The following BAIAP2 variants were observed in gnomAD, a reference collection of about 807,000 sequenced individuals.
BAIAP2 encodes the protein BAR/IMD domain-containing adapter protein 2.
In BAIAP2, 18 loss-of-function variants were observed where a neutral mutation model predicts 63.0. The ratio of observed to expected loss-of-function variants is 0.29; its 90% CI spans 0.20 to 0.42. The LOEUF (loss-of-function observed/expected upper bound fraction) is 0.42. Ranked by LOEUF, BAIAP2 falls within the 10% of genes least tolerant of loss-of-function variation. The probability of loss-of-function intolerance (pLI) is 1.00; values close to 1 mark genes in which losing one functional copy is unlikely to be tolerated. For missense variants in BAIAP2, 610 were observed against 734.3 expected (o/e 0.83, Z 1.96); for synonymous variants, 386 against 307.6 (o/e 1.25, Z -2.67).
rs1325716613 is a variant in BAIAP2, at chr17:81,109,448, C to T, written c.1535+939C>T. 1.4e-5 allele frequency: 14 copies of T among 989,442 alleles called. 1 individual carries two copies. The East Asian group carries it at 3.3e-4, about 23-fold the overall frequency. 61.3% of individuals were successfully genotyped at this position (989,442 alleles called of 1,614,324 possible). The stretch of plus-strand genomic sequence containing the variant: ...TTTTTTTTTCCTGAAAAACAAAAAC[C>T]GATCTGCATGGACTCCGGTGTGCGC... On this transcript the variant is annotated intron_variant, in intron 13 of 13. Transcript: ENST00000428708.
At chr17:81,114,516 G>T (rs950815802) in intron 13 of BAIAP2, among the ~76,000 whole-genome samples, 1 of 152,336 alleles carries the variant, frequency 6.6e-6, no homozygotes, top group African/African-American at 2.4e-5. Flanking sequence ...AGACCCTGAG[G>T]CTCCAGCACG....
chr17:81,107,009 G>T (rs2059264725), intron 12 of BAIAP2, 102 bp downstream of exon 12: 7 of 1,356,912 alleles, frequency 5.2e-6, no homozygotes, highest in Non-Finnish European at 4.9e-6. Context: ...GGGCGCCTGG[G>T]GGTCTGGGTC....
intron 13 of BAIAP2, among the ~76,000 whole-genome samples, chr17:81,114,004 A>C (rs1598869180): frequency 8.1e-6 from 1 of 123,046 alleles, no homozygotes; most frequent in African/African-American, 3.2e-5. Flanking sequence ...TTACTCTGTC[A>C]CCCAGGCTGG....
chr17:81,069,039 G>A (rs1391549037), intron 3 of BAIAP2, among the ~76,000 whole-genome samples: 1 of 152,168 alleles, frequency 6.6e-6, no homozygotes, highest in Admixed American at 6.5e-5. Context: ...GGGTGATCCC[G>A]GTGGCAGGGG....
chr17:81,112,061 CTGGA>C (rs1568200135), intron 13 of BAIAP2, among the ~76,000 whole-genome samples: 1 of 152,264 alleles, frequency 6.6e-6, no homozygotes, highest in Non-Finnish European at 1.5e-5. Flanking sequence ...ACTTTGGGGA[CTGGA>C]TGGAGATGCT....
chr17:81,096,082 G>C (rs990967659), intron 6 of BAIAP2, among the ~76,000 whole-genome samples: 7 of 152,156 alleles, frequency 4.6e-5, no homozygotes, highest in African/African-American at 1.4e-4. Context: ...AGTTTACACT[G>C]CTGTCCTGGG....
chr17:81,115,990 C>G lies in BAIAP2; in HGVS notation c.*151C>G. The G allele has an allele frequency of 6.7e-6, 10 of 1,486,106 alleles. No individual in the cohort carries two copies. Among genetic ancestry groups the G allele is most frequent in the Non-Finnish European group, 8.9e-6 (10 of 1,118,884 alleles). 92.1% of individuals were successfully genotyped at this position (1,486,106 alleles called of 1,614,324 possible). ...CTTGAGTCTGGCCTGGACTGGATCC[C>G]AGCTGTTCTAGGCAGGGCCGGGCAG... is the stretch of plus-strand genomic sequence containing the variant. On this transcript the variant is annotated 3_prime_UTR_variant, in exon 14 of 14. Coordinates refer to ENST00000428708, the MANE Select transcript of BAIAP2 (RefSeq NM_001144888.2).
At chr17:81,114,090 A>G (rs1422454938) in intron 13 of BAIAP2, among the ~76,000 whole-genome samples, 1 of 140,892 alleles carries the variant, frequency 7.1e-6, no homozygotes, top group Admixed American at 7.2e-5. Flanking sequence ...TCAGCCCCCC[A>G]TGGAGCTGGG....
At chr17:81,109,217 C>G in intron 13 of BAIAP2, 1 of 1,392,804 alleles carries the variant, frequency 7.2e-7, no homozygotes, top group Non-Finnish European at 9.3e-7. Context: ...GCGCCCCATC[C>G]TGTGTGTCCC....
At chr17:81,069,774 A>G (rs1416071314) in intron 3 of BAIAP2, among the ~76,000 whole-genome samples, 7 of 151,740 alleles carry the variant, frequency 4.6e-5, no homozygotes. Context: ...TTCGCCTCCC[A>G]GCCTTCCTCG....
At chr17:81,097,537 G>A (rs1274581149) in intron 6 of BAIAP2, 4 of 152,294 alleles carry the variant, frequency 2.6e-5, no homozygotes, top group African/African-American at 4.8e-5. Flanking sequence ...GGGCGGCCGC[G>A]AGGCTGAGTC....
chr17:81,074,764 G>A (rs1476355690), intron 3 of BAIAP2, among the ~76,000 whole-genome samples: 1 of 152,180 alleles, frequency 6.6e-6, no homozygotes, highest in Non-Finnish European at 1.5e-5. Flanking sequence ...GTGTGTGCAC[G>A]GATGCATAAG....
intron 6 of BAIAP2, among the ~76,000 whole-genome samples, chr17:81,095,640 C>T (rs1433874286): frequency 6.6e-6 from 1 of 152,058 alleles, no homozygotes; most frequent in African/African-American, 2.4e-5. Context: ...GTCAGCTCCC[C>T]CCGTCCTTCG....
chr17:81,106,069 C>T lies in BAIAP2; in HGVS notation c.1269-9C>T. 6.4e-7 allele frequency: 1 copy of T among 1,570,620 alleles called. No homozygotes were observed. Among genetic ancestry groups the T allele is most frequent in the East Asian group, 2.3e-5 (1 of 42,966 alleles). ...TGAGCGTGGCTCTTACCTGGGGCCT[C>T]TCTTCCAGGCGGGGCTGGTTTCCCT... On this transcript the variant is annotated splice_polypyrimidine_tract_variant and intron_variant, in intron 10 of 13. Transcript: ENST00000428708.
chr17:81,084,972 C>G, intron 4 of BAIAP2, 79 bp downstream of exon 4: 4 of 1,441,658 alleles, frequency 2.8e-6, no homozygotes, highest in Non-Finnish European at 3.9e-6. Context: ...GGCCGTGTGT[C>G]CACTTGGGAA....
At chr17:81,035,535 C>T (rs1323192585) in intron 1 of BAIAP2, among the ~76,000 whole-genome samples, 3 of 149,428 alleles carry the variant, frequency 2.0e-5, no homozygotes, top group East Asian at 2.0e-4. Flanking sequence ...CCCCCCATCC[C>T]ATGCGCGCCG....
At chr17:81,099,503 CA>C (rs1568167633) in intron 6 of BAIAP2, among the ~76,000 whole-genome samples, 2 of 152,162 alleles carry the variant, frequency 1.3e-5, no homozygotes, top group Non-Finnish European at 2.9e-5. Flanking sequence ...CTCCAGGCAA[CA>C]GGGGGAAGGA....
chr17:81,064,667 C>T (rs1354160952), intron 3 of BAIAP2, among the ~76,000 whole-genome samples: 3 of 152,172 alleles, frequency 2.0e-5, no homozygotes, highest in Admixed American at 2.0e-4. Context: ...TGAGGAGTGG[C>T]TGGGTCAGAG....
In BAIAP2 at chr17:81,106,068, T is replaced by A; in HGVS notation, c.1269-10T>A. 1 of 1,570,134 alleles carries A rather than the reference T, an allele frequency of 6.4e-7. No homozygotes were observed. Among genetic ancestry groups the A allele is most frequent in the Non-Finnish European group, 8.6e-7 (1 of 1,157,424 alleles). On this transcript the variant is annotated splice_polypyrimidine_tract_variant and intron_variant, in intron 10 of 13. Coordinates refer to ENST00000428708, the MANE Select transcript of BAIAP2 (RefSeq NM_001144888.2). ...CTGAGCGTGGCTCTTACCTGGGGCC[T>A]CTCTTCCAGGCGGGGCTGGTTTCCC...
Sources: allele counts gnomAD v4.1 joint callset (sites outside exome capture counted in the v4.1 genomes callset), GRCh38; gene constraint gnomAD v4.1.1; transcripts MANE v1.5; gene names NCBI Gene and HGNC (gene_info 2026-07-23, HGNC 2026-07-21).